Variants in PDIA5 observed in about 807,000 individuals in gnomAD.
The protein encoded by PDIA5 is protein disulfide-isomerase A5.
A neutral mutation model predicts 77.6 loss-of-function variants in PDIA5; 58 were observed. That is an observed-to-expected ratio of 0.75 (90% CI 0.61 to 0.93). PDIA5 has a LOEUF of 0.93. PDIA5 is among the 40% of genes least tolerant of loss of function. The pLI is 0.00. For synonymous variants in PDIA5, 250 were observed against 252.1 expected, an observed-to-expected ratio of 0.99 and a Z score of 0.08; for missense variants, 630 against 647.7, an observed-to-expected ratio of 0.97 and a Z score of 0.30.
At chr3:123,134,510 C>T (rs914633853) in intron 11 of PDIA5, among the ~76,000 whole-genome samples, 6 of 152,140 alleles carry the variant, frequency 3.9e-5, no homozygotes, top group East Asian at 3.9e-4. Context: ...TACCCATCAC[C>T]GTAAGTGATG....
chr3:123,106,558 T>G (rs773912653), intron 5 of PDIA5, among the ~76,000 whole-genome samples, 191 bp from the exon 6 acceptor site: 1 of 152,182 alleles, frequency 6.6e-6, no homozygotes, highest in Non-Finnish European at 1.5e-5. Flanking sequence ...GGTGCATTTT[T>G]GGGCACTTAT....
At chr3:123,086,354 C>G (rs533666843) in intron 1 of PDIA5, among the ~76,000 whole-genome samples, 1 of 152,294 alleles carries the variant, frequency 6.6e-6, no homozygotes, top group South Asian at 2.1e-4. Flanking sequence ...GGTTGAGTGA[C>G]ATTGGCTAGG....
chr3:123,131,729 C>T (rs2589601), intron 11 of PDIA5, among the ~76,000 whole-genome samples: 106,885 of 151,242 alleles, frequency 0.71, 38,760 homozygotes, highest in Non-Finnish European at 0.8. Flanking sequence ...GGCCTGTGGC[C>T]CAGGAGTTTT....
intron 13 of PDIA5, among the ~76,000 whole-genome samples, chr3:123,149,553 G>A (rs1243485975): frequency 6.6e-6 from 1 of 151,528 alleles, no homozygotes; most frequent in African/African-American, 2.4e-5. Flanking sequence ...GCAGAGTGGA[G>A]GGACCCAGTG....
intron 2 of PDIA5, among the ~76,000 whole-genome samples, chr3:123,090,668 G>C (rs1934260889): frequency 6.6e-6 from 1 of 152,216 alleles, no homozygotes. Context: ...GAAGGGCTTT[G>C]AGATCAGGTT....
rs560974493 is a variant in PDIA5 at position 123,112,137 on chromosome 3, T to C, written c.541+1133T>C. 3.3e-5 allele frequency among the ~76,000 whole-genome samples: 5 copies of C among 152,280 alleles called. No homozygotes were observed. In the East Asian group the frequency reaches 5.8e-4, roughly 18 times the overall value. On this transcript the variant is annotated intron_variant, in intron 7 of 16. Coordinates refer to ENST00000316218, the MANE Select transcript of PDIA5 (RefSeq NM_006810.4). Reference sequence around the variant, plus strand: ...AGTCTAATGGCTCCCAACCCACAGATTGAAAATAACCCTGGATTTGAGCCT... The same window carrying C: ...AGTCTAATGGCTCCCAACCCACAGACTGAAAATAACCCTGGATTTGAGCCT...
At chr3:123,076,636 C>G (rs184531159) in intron 1 of PDIA5, among the ~76,000 whole-genome samples, 6 of 152,322 alleles carry the variant, frequency 3.9e-5, no homozygotes, top group Admixed American at 3.3e-4. Context: ...CACCGTGGGT[C>G]ATGAACACTG....
chr3:123,118,801 C>T (rs726681), intron 8 of PDIA5, among the ~76,000 whole-genome samples: 76,702 of 152,030 alleles, frequency 0.5, 20,578 homozygotes, highest in Non-Finnish European at 0.59. Flanking sequence ...GCTCATCACT[C>T]CTGGGGGTAT....
At chr3:123,128,264 C>T (rs1358025947) in intron 10 of PDIA5, among the ~76,000 whole-genome samples, 1 of 152,202 alleles carries the variant, frequency 6.6e-6, no homozygotes, top group Non-Finnish European at 1.5e-5. Flanking sequence ...GGCCCCTACT[C>T]TGCTTTTTCT....
intron 1 of PDIA5, among the ~76,000 whole-genome samples, chr3:123,071,247 G>T (rs1313723968): frequency 6.6e-6 from 1 of 152,074 alleles, no homozygotes; most frequent in Non-Finnish European, 1.5e-5. Context: ...ACTCACTCAA[G>T]GCCACCCAGT....
intron 1 of PDIA5, among the ~76,000 whole-genome samples, chr3:123,077,406 A>G (rs1327745945): frequency 6.6e-6 from 1 of 152,138 alleles, no homozygotes; most frequent in South Asian, 2.1e-4. Context: ...TGGATTTGGA[A>G]TTAAAGGATC....
At chr3:123,147,935 C>G (rs573317550) in intron 13 of PDIA5, among the ~76,000 whole-genome samples, 2 of 152,296 alleles carry the variant, frequency 1.3e-5, no homozygotes, top group Non-Finnish European at 2.9e-5. Flanking sequence ...TCGATCATCA[C>G]TAATCAGTGC....
intron 2 of PDIA5, among the ~76,000 whole-genome samples, chr3:123,089,729 G>A (rs1934236153): frequency 6.6e-6 from 1 of 152,268 alleles, no homozygotes; most frequent in Non-Finnish European, 1.5e-5. Flanking sequence ...CCCAGGCTTG[G>A]AAGTACTCAC....
intron 8 of PDIA5, among the ~76,000 whole-genome samples, chr3:123,121,571 G>T (rs1300691652): frequency 6.6e-6 from 1 of 152,224 alleles, no homozygotes; most frequent in Non-Finnish European, 1.5e-5. Flanking sequence ...CCAAGCGAAG[G>T]TGGTTTGCAA....
chr3:123,082,420 G>A (rs921934300), intron 1 of PDIA5, among the ~76,000 whole-genome samples: 7 of 152,052 alleles, frequency 4.6e-5, no homozygotes, highest in Admixed American at 3.9e-4. Flanking sequence ...AGGATGAGGC[G>A]AGTACCTACC....
chr3:123,111,271 A>G (rs62263192), intron 7 of PDIA5, among the ~76,000 whole-genome samples: 26,075 of 152,116 alleles, frequency 0.17, 2,686 homozygotes, highest in Admixed American at 0.3. Context: ...CTGTTTGGTC[A>G]GCTCCACCTT....
intron 3 of PDIA5, among the ~76,000 whole-genome samples, chr3:123,096,946 G>A (rs972648514): frequency 7.2e-5 from 11 of 152,206 alleles, no homozygotes; most frequent in Non-Finnish European, 1.5e-4. Context: ...CCGAGGCTGC[G>A]TCTCACAGGG....
At chr3:123,109,177 A>G (rs1032056454) in intron 6 of PDIA5, among the ~76,000 whole-genome samples, 6 of 152,212 alleles carry the variant, frequency 3.9e-5, no homozygotes, top group Admixed American at 3.3e-4. Flanking sequence ...CTCCTATGGA[A>G]ATAAGAAGTA....
chr3:123,095,783 G>A (rs1245847649), intron 3 of PDIA5, among the ~76,000 whole-genome samples: 1 of 151,544 alleles, frequency 6.6e-6, no homozygotes, highest in East Asian at 1.9e-4. Flanking sequence ...AGGGTGCAGT[G>A]CAGTGGAATT....
Sources: allele counts gnomAD v4.1 joint callset (sites outside exome capture counted in the v4.1 genomes callset), GRCh38; gene constraint gnomAD v4.1.1; transcripts MANE v1.5; gene names NCBI Gene and HGNC (gene_info 2026-07-23, HGNC 2026-07-21).